DAB2IP: variants seen among roughly 807,000 people sequenced by gnomAD.
The protein encoded by DAB2IP is DAB2 interacting protein.
Under a neutral mutation model 107.2 loss-of-function variants are expected in DAB2IP, and 28 were observed. The ratio of observed to expected loss-of-function variants is 0.26; its 90% CI spans 0.19 to 0.36. The LOEUF (loss-of-function observed/expected upper bound fraction) is 0.36. Ranked by LOEUF, DAB2IP falls within the 10% of genes least tolerant of loss-of-function variation. The probability of loss-of-function intolerance (pLI) is 1.00; values close to 1 mark genes in which losing one functional copy is unlikely to be tolerated. For missense variants in DAB2IP, 1,400 were observed against 1,644.7 expected (o/e 0.85, Z 2.57); for synonymous variants, 755 against 706.4 (o/e 1.07, Z -1.09).
In DAB2IP at chr9:121,753,914, G is replaced by A. The variant is rs888278361; in HGVS notation, c.363-3099G>A. On this transcript the variant is annotated intron_variant, in intron 3 of 15. Transcript: ENST00000408936. ...CCATCTTCTGCCCTGCCTCTAATGC[G>A]CTGCTTCCCTAGGCTGGCAAGGCAG... is the stretch of plus-strand genomic sequence containing the variant. 2.3e-4 allele frequency among the ~76,000 whole-genome samples: 35 copies of A among 152,040 alleles called. 1 individual carries two copies. Among genetic ancestry groups the A allele is most frequent in the African/African-American group, 7.7e-4 (32 of 41,398 alleles).
chr9:121,754,835 C>T (rs578164753), intron 3 of DAB2IP, among the ~76,000 whole-genome samples: 95 of 152,318 alleles, frequency 6.2e-4, no homozygotes, highest in African/African-American at 2.2e-3. Flanking sequence ...CTCTCCACAG[C>T]CAGCTCATTC....
intron 1 of DAB2IP, among the ~76,000 whole-genome samples, chr9:121,658,577 C>G (rs1833066396): frequency 6.6e-6 from 1 of 152,132 alleles, no homozygotes; most frequent in Admixed American, 6.5e-5. Context: ...GCCCATGTGG[C>G]CTTCAGTTTG....
At chr9:121,671,614 G>A (rs1413801852) in intron 1 of DAB2IP, among the ~76,000 whole-genome samples, 1 of 152,050 alleles carries the variant, frequency 6.6e-6, no homozygotes, top group Non-Finnish European at 1.5e-5. Context: ...AAAAATAAAG[G>A]TGCTGTGAAC....
intron 1 of DAB2IP, among the ~76,000 whole-genome samples, chr9:121,571,730 A>G (rs1829947239): frequency 6.6e-6 from 1 of 151,954 alleles, no homozygotes; most frequent in Admixed American, 6.6e-5. Context: ...GAAGTTCTGG[A>G]GGCCTAAGCC....
At chr9:121,585,678 T>G (rs952632535) in intron 1 of DAB2IP, among the ~76,000 whole-genome samples, 2 of 151,818 alleles carry the variant, frequency 1.3e-5, no homozygotes, top group African/African-American at 4.8e-5. Flanking sequence ...GGCAGCAAGA[T>G]CCCTGTCTCT....
intron 3 of DAB2IP, chr9:121,737,468 A>T: frequency 1.0e-6 from 1 of 985,460 alleles, no homozygotes; most frequent in Non-Finnish European, 1.2e-6. Flanking sequence ...CACCTCTTAG[A>T]TGCCGGCCCG....
intron 1 of DAB2IP, among the ~76,000 whole-genome samples, chr9:121,592,750 A>G (rs913880704): frequency 3.3e-5 from 5 of 152,236 alleles, no homozygotes. Flanking sequence ...TATAGTGCAG[A>G]CGATGCCTTT....
intron 1 of DAB2IP, among the ~76,000 whole-genome samples, chr9:121,595,440 C>A (rs1023177083): frequency 2.6e-5 from 4 of 151,334 alleles, no homozygotes; most frequent in Non-Finnish European, 4.4e-5. Context: ...AACAAACAAA[C>A]AAACAAACAA....
chr9:121,780,183 G>A (rs993009935), intron 14 of DAB2IP, among the ~76,000 whole-genome samples: 1 of 152,078 alleles, frequency 6.6e-6, no homozygotes, highest in Non-Finnish European at 1.5e-5. Context: ...AATGTGCCCG[G>A]CCCTATTTGT....
In DAB2IP at chr9:121,782,276, C is replaced by A; in HGVS notation, c.3403-55C>A. 1 of 1,579,584 alleles carries A rather than the reference C, an allele frequency of 6.3e-7. No homozygotes were observed. The highest frequency in any genetic ancestry group is 8.6e-7 in the Non-Finnish European group (1 of 1,157,370). ...TTCCCCGATGCTTGTCGTAGGTATA[C>A]ACAGCCCTAAGGAGCCTGTCCCATG... On this transcript the variant is annotated intron_variant, in intron 15 of 15. Coordinates refer to ENST00000408936, the Ensembl canonical transcript of DAB2IP. The surrounding 1 kb of genome is among the most constrained non-coding windows in gnomAD (Gnocchi z 6.1).
chr9:121,658,679 A>G (rs538970416), intron 1 of DAB2IP, among the ~76,000 whole-genome samples: 1 of 152,334 alleles, frequency 6.6e-6, no homozygotes, highest in East Asian at 1.9e-4. Flanking sequence ...ACGAGAAAAA[A>G]AAGTAGACTC....
rs1279907541 is a variant in DAB2IP, at chr9:121,699,145, C to A, written c.229-180C>A. 2.1e-5 allele frequency among the ~76,000 whole-genome samples: 3 copies of A among 144,772 alleles called. No homozygotes were observed. The highest frequency in any genetic ancestry group is 4.6e-5 in the Non-Finnish European group (3 of 65,472). 95.0% of individuals were successfully genotyped at this position (144,772 alleles called of 152,430 possible). ...CTGGGCCGCGCTGCGCGGGCCGGGC[C>A]GTCGGCGCTCGGTCGGCGGGCGGGC... On this transcript the variant is annotated intron_variant, in intron 2 of 15. Coordinates refer to ENST00000408936, the Ensembl canonical transcript of DAB2IP. The surrounding 1 kb of genome is among the most constrained non-coding windows in gnomAD (Gnocchi z 6.2).
At chr9:121,780,406 C>T (rs1201521808) in intron 14 of DAB2IP, among the ~76,000 whole-genome samples, 2 of 152,164 alleles carry the variant, frequency 1.3e-5, no homozygotes, top group Non-Finnish European at 2.9e-5. Context: ...ATTACAGTCC[C>T]GTGCAGAACC....
At chr9:121,666,011 C>T (rs1833405024) in intron 1 of DAB2IP, among the ~76,000 whole-genome samples, 2 of 152,356 alleles carry the variant, frequency 1.3e-5, no homozygotes, top group South Asian at 4.1e-4. Context: ...TATTGTCTTA[C>T]AGTTCTGGGG....
Position 121,587,859 on chromosome 9 carries a change from T to A in DAB2IP, c.40+20631T>A, listed in dbSNP as rs74357582. ...GGGTAGTTTTTTCAGTATAAGTGTGTCCCAAATATTGCATAGGATATACTT... is the reference window on the plus strand; with the variant it reads ...GGGTAGTTTTTTCAGTATAAGTGTGACCCAAATATTGCATAGGATATACTT... On this transcript the variant is annotated intron_variant, in intron 1 of 16. Coordinates refer to the DAB2IP transcript ENST00000259371. Among the ~76,000 whole-genome samples the A allele has an allele frequency of 6.3e-3, 956 of 152,196 alleles. 10 individuals carry two copies. The highest frequency in any genetic ancestry group is 0.022 in the African/African-American group (906 of 41,516).
At chr9:121,773,210 G>A (rs1564226214) in exon 12 of DAB2IP, 1 of 1,571,064 alleles carries the variant, frequency 6.4e-7, no homozygotes, top group Admixed American at 1.8e-5. Flanking sequence ...GGCGACAGAT[G>A]TCACTGACTG....
chr9:121,776,739 C>T lies in DAB2IP; in HGVS notation c.3314+348C>T, dbSNP rs1835227528. ...GGGGTGCCAGGAAAGACAGGGAGGACCCCAATACAGGGTAAGAAAAGTGGG... is the reference window on the plus strand; with the variant it reads ...GGGGTGCCAGGAAAGACAGGGAGGATCCCAATACAGGGTAAGAAAAGTGGG... On this transcript the variant is annotated intron_variant, in intron 14 of 15. Transcript: ENST00000408936. This position sits in a 1 kb window ranked among gnomAD's most constrained non-coding sequence, Gnocchi z 5.4. 6.6e-6 allele frequency among the ~76,000 whole-genome samples: 1 copy of T among 152,050 alleles called. No individual in the cohort carries two copies. Among genetic ancestry groups the T allele is most frequent in the Non-Finnish European group, 1.5e-5 (1 of 68,002 alleles).
chr9:121,729,776 C>T (rs1831423960), intron 3 of DAB2IP, among the ~76,000 whole-genome samples: 1 of 152,172 alleles, frequency 6.6e-6, no homozygotes, highest in Admixed American at 6.6e-5. Context: ...AATCATTCAC[C>T]AACACTAGAA....
At chr9:121,660,107 GCC>G (rs1384647194) in intron 1 of DAB2IP, among the ~76,000 whole-genome samples, 2 of 152,132 alleles carry the variant, frequency 1.3e-5, no homozygotes, top group African/African-American at 2.4e-5. Flanking sequence ...GGGGAGAACA[GCC>G]CCTGGCAGAC....
Sources: gnomAD v4.1 joint callset for allele counts (sites outside exome capture counted in the v4.1 genomes callset) on GRCh38, gnomAD v4.1.1 for gene constraint, Gnocchi (gnomAD v3.1) non-coding constraint, MANE v1.5 for transcripts, NCBI Gene and HGNC (gene_info 2026-07-23, HGNC 2026-07-21) for gene names.